MYLK: variants seen among roughly 807,000 people sequenced by gnomAD.
The protein encoded by MYLK is myosin light chain kinase, smooth muscle.
MYLK carries 106 observed loss-of-function variants against 203.4 expected under a neutral mutation model. The ratio of observed to expected loss-of-function variants is 0.52; its 90% CI spans 0.45 to 0.61. MYLK has a LOEUF of 0.61. MYLK is among the 20% of genes least tolerant of loss of function. MYLK has a pLI of 0.00. For synonymous variants in MYLK, 867 were observed against 959.5 expected (o/e 0.90, Z 1.78); for missense variants, 2,072 against 2,442.3 (o/e 0.85, Z 3.20).
chr3:123,811,409 A>C (rs1047575536), intron 3 of MYLK, among the ~76,000 whole-genome samples: 1 of 152,206 alleles, frequency 6.6e-6, no homozygotes, highest in Non-Finnish European at 1.5e-5. Flanking sequence ...CCAATAGGGA[A>C]TTTGGAATCC....
At chr3:123,785,099 G>A (rs1236695695) in intron 4 of MYLK, among the ~76,000 whole-genome samples, 1 of 152,158 alleles carries the variant, frequency 6.6e-6, no homozygotes, top group Non-Finnish European at 1.5e-5. Flanking sequence ...CAAATATATG[G>A]CTGAAGCCTC....
chr3:123,817,899 CA>C (rs1348983097), intron 3 of MYLK, among the ~76,000 whole-genome samples: 2 of 152,186 alleles, frequency 1.3e-5, no homozygotes, highest in African/African-American at 4.8e-5. Flanking sequence ...CAAGAAGGGA[CA>C]GGGGGCATGG....
At chr3:123,726,274 G>A (rs1039536915) in intron 11 of MYLK, among the ~76,000 whole-genome samples, 196 bp from the exon 12 acceptor site, 1 of 152,176 alleles carries the variant, frequency 6.6e-6, no homozygotes, top group Admixed American at 6.5e-5. Flanking sequence ...GCCTGAAGCA[G>A]AGTCACCCGC....
At chr3:123,848,794 G>C (rs572388739) in intron 2 of MYLK, among the ~76,000 whole-genome samples, 3 of 152,296 alleles carry the variant, frequency 2.0e-5, no homozygotes, top group African/African-American at 7.2e-5. Context: ...GATGTTAAAA[G>C]AGCCCAGGAC....
intron 2 of MYLK, among the ~76,000 whole-genome samples, chr3:123,845,405 G>T (rs2066690023): frequency 6.6e-6 from 1 of 152,190 alleles, no homozygotes. Flanking sequence ...GCAAGGACAT[G>T]TCAGGAGTCC....
At chr3:123,754,083 AAG>A (rs1225307524) in intron 4 of MYLK, among the ~76,000 whole-genome samples, 1 of 152,250 alleles carries the variant, frequency 6.6e-6, no homozygotes, top group Non-Finnish European at 1.5e-5. Flanking sequence ...TAAGCGAGGA[AAG>A]AGCTATGCTA....
intron 3 of MYLK, among the ~76,000 whole-genome samples, chr3:123,796,612 A>G (rs1015403763): frequency 6.6e-5 from 10 of 152,232 alleles, no homozygotes; most frequent in African/African-American, 2.4e-4. Flanking sequence ...AGATCAATGG[A>G]CGGATGATAT....
intron 1 of MYLK, among the ~76,000 whole-genome samples, chr3:123,882,665 C>T (rs1035667618): frequency 6.6e-6 from 1 of 152,084 alleles, no homozygotes; most frequent in Admixed American, 6.5e-5. Flanking sequence ...TGTGCATGTC[C>T]CCAGAGTACC....
At chr3:123,807,890 G>A (rs2065425952) in intron 3 of MYLK, among the ~76,000 whole-genome samples, 1 of 152,238 alleles carries the variant, frequency 6.6e-6, no homozygotes, top group South Asian at 2.1e-4. Flanking sequence ...AGAATGGCCA[G>A]GAGGCCTTGG....
At chr3:123,811,542 G>A (rs761628166) in intron 3 of MYLK, among the ~76,000 whole-genome samples, 1 of 152,194 alleles carries the variant, frequency 6.6e-6, no homozygotes, top group Non-Finnish European at 1.5e-5. Flanking sequence ...CTTCATGCTT[G>A]TCTACTCCTG....
rs142207693 is a variant in MYLK at position 123,770,799 on chromosome 3, C to T, written c.166-18261G>A. Among the ~76,000 whole-genome samples the T allele has an allele frequency of 7.1e-3, 1,075 of 152,232 alleles. 26 individuals carry two copies. Among genetic ancestry groups the T allele is most frequent in the Admixed American group, 0.048 (732 of 15,298 alleles). On this transcript the variant is annotated intron_variant, in intron 4 of 33. Coordinates refer to ENST00000360304, the MANE Select transcript of MYLK (RefSeq NM_053025.4). ...ATAAAAGTCTACATGCTATGTAGTG[C>T]CAGAGGACAGACCAAGGATAAATCG... is the stretch of plus-strand genomic sequence containing the variant.
chr3:123,857,137 T>G (rs1397255861), intron 2 of MYLK, among the ~76,000 whole-genome samples: 1 of 151,682 alleles, frequency 6.6e-6, no homozygotes, highest in African/African-American at 2.4e-5. Flanking sequence ...CATTAAAAAG[T>G]CAGGAAACAA....
Position 123,826,893 on chromosome 3 carries a change from G to A in MYLK, c.-4+4655C>T, listed in dbSNP as rs1310525025. On this transcript the variant is annotated intron_variant, in intron 3 of 33. Transcript: ENST00000360304. ...CCAGGCAAATGCACCCCACTGAACCGACATCACAAGACACATTCATATAAG... is the reference window on the plus strand; with the variant it reads ...CCAGGCAAATGCACCCCACTGAACCAACATCACAAGACACATTCATATAAG... 4.0e-5 allele frequency among the ~76,000 whole-genome samples: 6 copies of A among 151,716 alleles called. 1 individual carries two copies. The South Asian group carries it at 8.5e-4, about 21-fold the overall frequency.
At chr3:123,704,330 C>T (rs1286292631) in intron 16 of MYLK, among the ~76,000 whole-genome samples, 1 of 152,204 alleles carries the variant, frequency 6.6e-6, no homozygotes, top group African/African-American at 2.4e-5. Flanking sequence ...CATGTCAGAT[C>T]ACCTAAGCTG....
chr3:123,664,726 T>C (rs923888215), intron 22 of MYLK, among the ~76,000 whole-genome samples: 4 of 152,214 alleles, frequency 2.6e-5, no homozygotes, highest in African/African-American at 9.7e-5. Context: ...CATCAACTGA[T>C]GAACAAATAA....
Position 123,700,996 on chromosome 3 carries a change from C to T in MYLK, c.2472G>A (p.Glu824=), listed in dbSNP as rs770423390. Residue 824 remains glutamate, a synonymous_variant, in exon 18 of 34, where the codon GAG becomes GAA. Transcript: ENST00000360304. ...SSARALPRGR[E]PASCEDLCGG... is the part of the protein sequence containing the mutation. Reference sequence around the variant, plus strand: ...CACAGAGGTCCTCGCAGCTGGCAGGCTCCCTCCCCCTGCAACCAGTGTAGG... The same window carrying T: ...CACAGAGGTCCTCGCAGCTGGCAGGTTCCCTCCCCCTGCAACCAGTGTAGG... 3.7e-6 allele frequency: 6 copies of T among 1,604,530 alleles called. No individual in the cohort carries two copies. Among genetic ancestry groups the T allele is most frequent in the Non-Finnish European group, 5.1e-6 (6 of 1,179,960 alleles).
At chr3:123,880,475 A>AC (rs1175321112) in intron 1 of MYLK, among the ~76,000 whole-genome samples, 1 of 152,210 alleles carries the variant, frequency 6.6e-6, no homozygotes, top group East Asian at 1.9e-4. Context: ...AAGGGAAAAA[A>AC]AATCAAGAAG....
chr3:123,823,960 T>C (rs13323707), intron 3 of MYLK, among the ~76,000 whole-genome samples: 21,973 of 152,180 alleles, frequency 0.14, 1,972 homozygotes, highest in South Asian at 0.21. Flanking sequence ...ACCCCCTCCT[T>C]TATTTTATTG....
At chr3:123,630,853 T>G (rs903209794) in intron 29 of MYLK, 1 of 152,200 alleles carries the variant, frequency 6.6e-6, no homozygotes, top group Admixed American at 6.5e-5. Context: ...TGACCTTACC[T>G]CTCACCTCTG....
Sources: allele counts gnomAD v4.1 joint callset (sites outside exome capture counted in the v4.1 genomes callset), GRCh38; gene constraint gnomAD v4.1.1; transcripts MANE v1.5; gene names NCBI Gene and HGNC (gene_info 2026-07-23, HGNC 2026-07-21).